Variants in SLC6A9 observed in about 807,000 individuals in gnomAD.
SLC6A9 encodes the protein sodium- and chloride-dependent glycine transporter 1.
SLC6A9 carries 31 observed loss-of-function variants against 70.9 expected under a neutral mutation model. The ratio of observed to expected loss-of-function variants is 0.44; its 90% CI spans 0.33 to 0.59. SLC6A9 has a LOEUF of 0.59. Among genes scored for constraint, SLC6A9 ranks in the 20% least tolerant of loss-of-function variants. SLC6A9 has a pLI of 0.04. For synonymous variants in SLC6A9, 310 were observed against 341.3 expected (o/e 0.91, Z 1.01); for missense variants, 631 against 845.2 (o/e 0.75, Z 3.14).
intron 5 of SLC6A9, among the ~76,000 whole-genome samples, chr1:44,006,804 T>C (rs966719394): frequency 6.6e-6 from 1 of 152,174 alleles, no homozygotes; most frequent in African/African-American, 2.4e-5. Context: ...TGGCCCTGTC[T>C]TACCTGTCTT....
chr1:44,021,235 C>T (rs998366454), intron 2 of SLC6A9, among the ~76,000 whole-genome samples: 2 of 152,130 alleles, frequency 1.3e-5, no homozygotes, highest in South Asian at 2.1e-4. Flanking sequence ...CCCTAGTGCC[C>T]CCAAGCATCC....
In SLC6A9 at chr1:44,024,775, C is replaced by T. The variant is rs562625356; in HGVS notation, c.-85-413G>A. On this transcript the variant is annotated intron_variant, in intron 1 of 13. Transcript: ENST00000372310. ...GCCAGGCAGCCAGGATGGTCCTTTC[C>T]TATCTGGGTGGCACTCAGTGTGGGC... 2.9e-3 allele frequency among the ~76,000 whole-genome samples: 437 copies of T among 152,342 alleles called. 1 individual carries two copies. Among genetic ancestry groups the T allele is most frequent in the African/African-American group, 9.8e-3 (409 of 41,582 alleles).
intron 3 of SLC6A9, chr1:44,010,467 G>GGGGC (rs2086516930): frequency 8.4e-6 from 2 of 239,046 alleles, no homozygotes; most frequent in Non-Finnish European, 1.6e-5. Flanking sequence ...GGGGGGGGGG[G>GGGGC]GGGGTTAGGT....
rs1000328240 is a variant in SLC6A9, at chr1:44,018,320, C to T, written c.30+5928G>A. 1.3e-5 allele frequency among the ~76,000 whole-genome samples: 2 copies of T among 152,066 alleles called. No individual in the cohort carries two copies. The highest frequency in any genetic ancestry group is 6.6e-5 in the Admixed American group (1 of 15,262). The stretch of plus-strand genomic sequence containing the variant: ...AAAAATTTAAAAACAGGGCCAGGTA[C>T]GGTGGCTCACGCCTGTAATCCCAGC... On this transcript the variant is annotated intron_variant, in intron 2 of 13. Transcript: ENST00000372310. The surrounding 1 kb of genome is among the most constrained non-coding windows in gnomAD (Gnocchi z 4.2).
intron 2 of SLC6A9, chr1:44,016,925 C>T: frequency 9.9e-7 from 1 of 1,009,912 alleles, no homozygotes; most frequent in Non-Finnish European, 1.4e-6. Flanking sequence ...GTCTGTCTTG[C>T]TTGCTGGCTG....
chr1:44,024,104 C>G (rs1486919116), intron 2 of SLC6A9, 144 bp downstream of exon 2: 1 of 813,182 alleles, frequency 1.2e-6, no homozygotes, highest in Non-Finnish European at 2.1e-6. Context: ...AGATGAGGGG[C>G]TACCTGCCCA....
At chr1:44,019,971 G>A (rs1164209677) in intron 2 of SLC6A9, among the ~76,000 whole-genome samples, 1 of 152,048 alleles carries the variant, frequency 6.6e-6, no homozygotes, top group African/African-American at 2.4e-5. Flanking sequence ...GGGGAGGGAG[G>A]GCAGGGCCCC....
chr1:44,017,368 AACACACACACACACACACACACACACAC>A, intron 2 of SLC6A9: 2 of 827,108 alleles, frequency 2.4e-6, no homozygotes, highest in Non-Finnish European at 3.2e-6. Context: ...TAACTGGAAC[AACACACACACACACACACACACACACAC>A]ACACACACAC....
At chr1:44,020,829 C>T (rs767737025) in intron 2 of SLC6A9, among the ~76,000 whole-genome samples, 10 of 152,214 alleles carry the variant, frequency 6.6e-5, no homozygotes, top group South Asian at 2.1e-4. Flanking sequence ...CAGCCCCTGG[C>T]GGCCTGTGGT....
At chr1:44,010,467 G>GGGGGGGGGGGT (rs2086517039) in intron 3 of SLC6A9, 1 of 239,022 alleles carries the variant, frequency 4.2e-6, no homozygotes, top group Non-Finnish European at 8.2e-6. Flanking sequence ...GGGGGGGGGG[G>GGGGGGGGGGGT]GGGGTTAGGT....
At chr1:44,028,688 G>A (rs999821098) in intron 1 of SLC6A9, among the ~76,000 whole-genome samples, 2 of 152,220 alleles carry the variant, frequency 1.3e-5, no homozygotes, top group Admixed American at 6.5e-5. Flanking sequence ...TTGGGAGACA[G>A]AGGTTGCAGT....
At chr1:44,027,257 A>G (rs1052285183) in intron 1 of SLC6A9, among the ~76,000 whole-genome samples, 6 of 152,124 alleles carry the variant, frequency 3.9e-5, no homozygotes, top group Middle Eastern at 3.2e-3. Context: ...CCTGGGCTGG[A>G]TTTCTGGCTC....
At chr1:44,030,123 C>A (rs1571926852) in intron 1 of SLC6A9, among the ~76,000 whole-genome samples, 2 of 151,990 alleles carry the variant, frequency 1.3e-5, no homozygotes, top group Non-Finnish European at 2.9e-5. Context: ...TCCGCCGGCC[C>A]GAGGCGCGGA....
chr1:44,020,723 G>A (rs1415347512), intron 2 of SLC6A9, among the ~76,000 whole-genome samples: 1 of 152,218 alleles, frequency 6.6e-6, no homozygotes, highest in East Asian at 1.9e-4. Context: ...TGGGCTGGGT[G>A]AGTCCCCACT....
chr1:44,006,913 C>T (rs991290787), intron 5 of SLC6A9, among the ~76,000 whole-genome samples: 6 of 152,148 alleles, frequency 3.9e-5, no homozygotes, highest in Non-Finnish European at 4.4e-5. Context: ...TGGTGACTTG[C>T]GGTATCCTCA....
rs75832175 is a variant in SLC6A9, at chr1:44,020,030, G to T, written c.30+4218C>A. On this transcript the variant is annotated intron_variant, in intron 2 of 13. Coordinates refer to ENST00000372310, the MANE Select transcript of SLC6A9 (RefSeq NM_001024845.3). ...GGCTGGAACTTTTCCTCTGGATCTAGATATTGCCCATTTCACGGAGGATGG... is the reference window on the plus strand; with the variant it reads ...GGCTGGAACTTTTCCTCTGGATCTATATATTGCCCATTTCACGGAGGATGG... Among the ~76,000 whole-genome samples the T allele has an allele frequency of 5.9e-3, 897 of 152,314 alleles. 7 individuals carry two copies. The highest frequency in any genetic ancestry group is 0.021 in the African/African-American group (864 of 41,554).
rs201279256 is a variant in SLC6A9 at position 44,025,638 on chromosome 1, A to G, written c.-85-1276T>C. On this transcript the variant is annotated intron_variant, in intron 1 of 13. Coordinates refer to ENST00000372310, the MANE Select transcript of SLC6A9 (RefSeq NM_001024845.3). ...AACATGGTGAAACCCTGTCTCTACT[A>G]AAATTACAAAAATTAGCTGGGCATG... 5.9e-5 allele frequency among the ~76,000 whole-genome samples: 9 copies of G among 152,164 alleles called. No homozygotes were observed. In the East Asian group the frequency reaches 1.7e-3, roughly 29 times the overall value.
intron 12 of SLC6A9, 89 bp downstream of exon 12, chr1:44,000,678 A>G: frequency 1.2e-6 from 1 of 834,164 alleles, no homozygotes; most frequent in Admixed American, 2.3e-5. Context: ...CAGGTGCGGG[A>G]GCTCCCACTG....
intron 5 of SLC6A9, among the ~76,000 whole-genome samples, chr1:44,005,890 G>C (rs1255355624): frequency 1.3e-5 from 2 of 152,248 alleles, no homozygotes; most frequent in Non-Finnish European, 2.9e-5. Flanking sequence ...TGGCCAGTTA[G>C]GCAGGCCTGG....
Sources: allele counts gnomAD v4.1 joint callset (sites outside exome capture counted in the v4.1 genomes callset), GRCh38; gene constraint gnomAD v4.1.1; non-coding constraint Gnocchi (gnomAD v3.1); transcripts MANE v1.5; gene names NCBI Gene and HGNC (gene_info 2026-07-23, HGNC 2026-07-21).